Variants in RBFOX2 observed in about 807,000 individuals in gnomAD.
RBFOX2 encodes RNA binding fox-1 homolog 2.
In RBFOX2, 10 loss-of-function variants were observed where a neutral mutation model predicts 49.1. The ratio of observed to expected loss-of-function variants is 0.20; its 90% confidence interval spans 0.13 to 0.35. The LOEUF (loss-of-function observed/expected upper bound fraction) is 0.35. Ranked by LOEUF, RBFOX2 falls within the 10% of genes least tolerant of loss-of-function variation. The pLI, the probability that RBFOX2 is intolerant of heterozygous loss-of-function variation, is 1.00. For missense variants in RBFOX2, 323 were observed against 486.9 expected (o/e 0.66, Z 3.17); for synonymous variants, 183 against 187.4 (o/e 0.98, Z 0.19).
chr22:35,865,614 G>A (rs1219216688), intron 1 of RBFOX2, among the ~76,000 whole-genome samples: 3 of 151,282 alleles, frequency 2.0e-5, no homozygotes, highest in Non-Finnish European at 4.4e-5. Flanking sequence ...GATAGAAGAG[G>A]GATTCACTTA....
intron 1 of RBFOX2, among the ~76,000 whole-genome samples, chr22:35,851,817 CA>C (rs2041975836): frequency 7.0e-6 from 1 of 143,584 alleles, no homozygotes; most frequent in Non-Finnish European, 1.5e-5. Flanking sequence ...GGCAACAGAG[CA>C]AAACTCCATC....
At chr22:35,915,117 T>C (rs1474939158) in intron 1 of RBFOX2, among the ~76,000 whole-genome samples, 3 of 152,164 alleles carry the variant, frequency 2.0e-5, no homozygotes, top group East Asian at 3.9e-4. Flanking sequence ...TTCGGAAATA[T>C]GACAGGACTA....
chr22:35,819,859 T>C (rs186343503), intron 1 of RBFOX2, among the ~76,000 whole-genome samples: 21 of 152,366 alleles, frequency 1.4e-4, no homozygotes, highest in Admixed American at 1.3e-3. Flanking sequence ...AGAGAATTTC[T>C]ATTTTCTAAG....
chr22:35,789,175 G>A (rs567731500), intron 2 of RBFOX2, among the ~76,000 whole-genome samples: 2 of 151,738 alleles, frequency 1.3e-5, no homozygotes, highest in African/African-American at 4.8e-5. Context: ...AATCTATAAA[G>A]GATAGAAATA....
intron 1 of RBFOX2, among the ~76,000 whole-genome samples, chr22:35,868,864 A>C (rs1194365953): frequency 1.3e-5 from 2 of 152,252 alleles, no homozygotes; most frequent in Admixed American, 6.5e-5. Flanking sequence ...TCCTTCTTTA[A>C]GGTATTGTTC....
intron 1 of RBFOX2, among the ~76,000 whole-genome samples, chr22:35,823,244 C>T (rs1954925163): frequency 6.6e-6 from 1 of 152,176 alleles, no homozygotes; most frequent in South Asian, 2.1e-4. Context: ...TAAATAAACA[C>T]TGAATTCCTC....
chr22:36,009,970 G>A (rs1049198968), intron 1 of RBFOX2, among the ~76,000 whole-genome samples: 6 of 152,006 alleles, frequency 3.9e-5, no homozygotes, highest in East Asian at 1.9e-4. Flanking sequence ...TACTTCTTCC[G>A]CTCCTGTGTG....
At chr22:35,923,061 C>T (rs992157870) in intron 1 of RBFOX2, among the ~76,000 whole-genome samples, 1 of 152,190 alleles carries the variant, frequency 6.6e-6, no homozygotes, top group African/African-American at 2.4e-5. Flanking sequence ...GCCTACACTG[C>T]CTAACACACT....
intron 2 of RBFOX2, among the ~76,000 whole-genome samples, chr22:35,791,361 G>C (rs1471505239): frequency 6.6e-6 from 1 of 150,814 alleles, no homozygotes; most frequent in East Asian, 2.0e-4. Flanking sequence ...CTCCAGCCTG[G>C]GCAACAGAGC....
chr22:35,986,011 A>C (rs2150084500), intron 1 of RBFOX2, among the ~76,000 whole-genome samples: 1 of 152,306 alleles, frequency 6.6e-6, no homozygotes, highest in East Asian at 1.9e-4. Flanking sequence ...AAGAAAATGC[A>C]AAATGCAGCC....
At chr22:35,882,766 A>T (rs1388727827) in intron 1 of RBFOX2, among the ~76,000 whole-genome samples, 1 of 152,154 alleles carries the variant, frequency 6.6e-6, no homozygotes, top group East Asian at 1.9e-4. Context: ...GGGGGTGGGA[A>T]ATCCTCTCCT....
At chr22:35,831,738 A>C (rs1297130199) in intron 1 of RBFOX2, among the ~76,000 whole-genome samples, 4 of 152,196 alleles carry the variant, frequency 2.6e-5, no homozygotes. Context: ...TCCTTCACTT[A>C]AGTCCCAGTT....
intron 1 of RBFOX2, among the ~76,000 whole-genome samples, chr22:36,012,633 C>T (rs755154622): frequency 2.6e-5 from 4 of 151,910 alleles, no homozygotes; most frequent in South Asian, 2.1e-4. Flanking sequence ...TTGAGTATTA[C>T]GAGCAATTTT....
chr22:35,836,082 G>A (rs551890216), intron 1 of RBFOX2, among the ~76,000 whole-genome samples: 79 of 152,180 alleles, frequency 5.2e-4, no homozygotes, highest in African/African-American at 7.0e-4. Context: ...CTGCAGCTCC[G>A]TGGATGAAGG....
At chr22:35,844,317 C>T (rs925638326), upstream of RBFOX2, among the ~76,000 whole-genome samples, 1 of 152,124 alleles carries the variant, frequency 6.6e-6, no homozygotes, top group African/African-American at 2.4e-5. Flanking sequence ...TCTGAATACA[C>T]AGTAAATGAA....
At chr22:35,752,770 T>C (rs553925174) in intron 9 of RBFOX2, 19 of 396,478 alleles carry the variant, frequency 4.8e-5, no homozygotes, top group Non-Finnish European at 4.8e-5. Flanking sequence ...GATGCAAGCA[T>C]GCTTTTCACA....
intron 1 of RBFOX2, among the ~76,000 whole-genome samples, chr22:35,889,553 A>G (rs2047005725): frequency 6.6e-6 from 1 of 152,084 alleles, no homozygotes; most frequent in East Asian, 1.9e-4. Context: ...CTCTTACACA[A>G]CAATCACCTA....
At chr22:35,882,561 G>A (rs541110317) in intron 1 of RBFOX2, among the ~76,000 whole-genome samples, 55 of 152,260 alleles carry the variant, frequency 3.6e-4, no homozygotes, top group African/African-American at 1.2e-3. Context: ...GTATGCTGAC[G>A]GGACTAATCC....
At chr22:35,805,188 G>A (rs1950499579) in intron 2 of RBFOX2, among the ~76,000 whole-genome samples, 1 of 151,484 alleles carries the variant, frequency 6.6e-6, no homozygotes, top group Non-Finnish European at 1.5e-5. Flanking sequence ...TATGCGGGAG[G>A]CTGAGGCAGG....
Sources: gnomAD v4.1 joint callset for allele counts (sites outside exome capture counted in the v4.1 genomes callset) on GRCh38, gnomAD v4.1.1 for gene constraint, MANE v1.5 for transcripts, NCBI Gene and HGNC (gene_info 2026-07-23, HGNC 2026-07-21) for gene names.